Variants in LPP observed in about 807,000 individuals in gnomAD.
The protein encoded by LPP is lipoma-preferred partner.
LPP carries 38 observed loss-of-function variants against 60.4 expected under a neutral mutation model. The ratio of observed to expected loss-of-function variants is 0.63; its 90% CI spans 0.49 to 0.83. LPP has a LOEUF of 0.83. Ranked by LOEUF, LPP falls within the 40% of genes least tolerant of loss-of-function variation. The probability of loss-of-function intolerance (pLI) is 0.00; values close to 1 mark genes in which losing one functional copy is unlikely to be tolerated. For missense variants in LPP, 902 were observed against 783.6 expected (o/e 1.15, Z -1.80); for synonymous variants, 328 against 290.8 (o/e 1.13, Z -1.30).
At chr3:188,655,756 G>C (rs1853051148) in intron 7 of LPP, among the ~76,000 whole-genome samples, 1 of 152,030 alleles carries the variant, frequency 6.6e-6, no homozygotes, top group Non-Finnish European at 1.5e-5. Flanking sequence ...AGAGAGAATT[G>C]GTCTATACAC....
In LPP at chr3:188,555,342, ACATTAT is replaced by A. The variant is rs559249609; in HGVS notation, c.429+30558_429+30563del. ...AGTGAGATGGAGAGCATTTGGAGTC[ACATTAT>A]CAGGCTTATGTTAAGGATCACTCAG... On this transcript the variant is annotated intron_variant, in intron 6 of 11. Transcript: ENST00000617246. Among the ~76,000 whole-genome samples, 428 of 152,272 alleles carry A rather than the reference ACATTAT, an allele frequency of 2.8e-3. 2 individuals are homozygous for A. Among genetic ancestry groups the A allele is most frequent in the African/African-American group, 1.0e-2 (415 of 41,556 alleles).
intron 9 of LPP, among the ~76,000 whole-genome samples, chr3:188,807,726 T>A (rs1343388278): frequency 6.6e-6 from 1 of 152,180 alleles, no homozygotes; most frequent in Non-Finnish European, 1.5e-5. Flanking sequence ...AATATTCTCA[T>A]ATGACAGTCT....
chr3:188,251,105 TTCTC>T (rs1257945049), intron 2 of LPP, among the ~76,000 whole-genome samples: 5 of 139,750 alleles, frequency 3.6e-5, no homozygotes, highest in East Asian at 2.1e-4. Flanking sequence ...CTCTCTCTCT[TTCTC>T]TCTATTTTCC....
Position 188,884,679 on chromosome 3 carries a change from C to T in LPP, c.*10200C>T. Reference sequence around the variant, plus strand: ...GACCATATCATTTAGAATTCATTGGCATGTAGAGGTGACTCGATTCCTAAA... The same window carrying T: ...GACCATATCATTTAGAATTCATTGGTATGTAGAGGTGACTCGATTCCTAAA... On this transcript the variant is annotated 3_prime_UTR_variant, in exon 12 of 12. Transcript: ENST00000617246. The T allele has an allele frequency of 4.4e-6, 1 of 228,312 alleles. No homozygotes were observed. The highest frequency in any genetic ancestry group is 8.7e-6 in the Non-Finnish European group (1 of 114,906). The allele number at this position is 228,312 out of a possible 1,614,324, so 14.1% of individuals were successfully genotyped here.
intron 1 of LPP, among the ~76,000 whole-genome samples, chr3:188,205,894 A>T (rs1035719650): frequency 2.6e-5 from 4 of 152,190 alleles, no homozygotes; most frequent in African/African-American, 9.6e-5. Flanking sequence ...AGCCAACCTG[A>T]GTCGCTCTGC....
chr3:188,306,305 G>A (rs1577988291), intron 2 of LPP, among the ~76,000 whole-genome samples: 1 of 151,468 alleles, frequency 6.6e-6, no homozygotes, highest in Non-Finnish European at 1.5e-5. Context: ...GTCAGGCTGG[G>A]CTTGAACTCC....
chr3:188,543,410 G>C (rs1204999334), intron 6 of LPP, among the ~76,000 whole-genome samples: 1 of 152,108 alleles, frequency 6.6e-6, no homozygotes, highest in Non-Finnish European at 1.5e-5. Flanking sequence ...TAGCTTAGCT[G>C]GACCACCAAC....
intron 4 of LPP, among the ~76,000 whole-genome samples, chr3:188,441,813 AC>A (rs1794033438): frequency 6.7e-6 from 1 of 150,356 alleles, no homozygotes; most frequent in African/African-American, 2.4e-5. Context: ...TTTAGTAGAG[AC>A]GGGGTTTCAC....
intron 6 of LPP, among the ~76,000 whole-genome samples, chr3:188,580,239 A>AATT (rs961749068): frequency 2.0e-5 from 3 of 151,438 alleles, no homozygotes; most frequent in Admixed American, 6.6e-5. Context: ...ATTGTTTCTC[A>AATT]ATTAAAAAAA....
In LPP at chr3:188,882,237, G is replaced by T. The variant is rs1169316879; in HGVS notation, c.*7758G>T. 2 of 219,394 alleles carry T rather than the reference G, an allele frequency of 9.1e-6. No homozygotes were observed. The highest frequency in any genetic ancestry group is 1.8e-5 in the Non-Finnish European group (2 of 109,578). 13.6% of individuals were successfully genotyped at this position (219,394 alleles called of 1,614,324 possible). A position where few individuals can be genotyped will look rare whatever the true frequency, so the allele number is the denominator to read the frequency against. ...ATAAGAAATCTTGAGCTGATTCTTT[G>T]ACTTGATTTAGAAGTTGAGAAAAGA... is the stretch of plus-strand genomic sequence containing the variant. On this transcript the variant is annotated 3_prime_UTR_variant, in exon 12 of 12. Transcript: ENST00000617246.
At chr3:188,866,141 T>C in intron 9 of LPP, 59 bp from the exon 10 acceptor site, 1 of 1,321,516 alleles carries the variant, frequency 7.6e-7, no homozygotes, top group Non-Finnish European at 1.0e-6. Context: ...AAGATGCCTG[T>C]CATGCAGTAT....
At chr3:188,858,591 C>A (rs1188522733) in intron 9 of LPP, among the ~76,000 whole-genome samples, 1 of 152,144 alleles carries the variant, frequency 6.6e-6, no homozygotes, top group East Asian at 1.9e-4. Flanking sequence ...TGATTTTTAG[C>A]TCATGGCAAA....
chr3:188,188,656 G>A (rs1214916624), intron 1 of LPP, among the ~76,000 whole-genome samples: 3 of 152,078 alleles, frequency 2.0e-5, no homozygotes, highest in African/African-American at 7.2e-5. Context: ...TCTACACGTG[G>A]TATATAAGGA....
intron 2 of LPP, among the ~76,000 whole-genome samples, chr3:188,315,029 A>G (rs2150316664): frequency 6.6e-6 from 1 of 151,852 alleles, no homozygotes; most frequent in South Asian, 2.1e-4. Context: ...ACCTTCACTT[A>G]TTGCCTTTTT....
At position 188,168,190 on chromosome 3, in the gene LPP, A is replaced by G. The variant is rs79621274; in HGVS notation, c.-190+13938A>G. On this transcript the variant is annotated intron_variant, in intron 1 of 11. Coordinates refer to ENST00000617246, the MANE Select transcript of LPP (RefSeq NM_001375462.1). ...GTGCTGCACATACTATGAAGAAAAA[A>G]ATAAATGAATGAAAACAGTGACTTC... Among the ~76,000 whole-genome samples, 334 of 152,400 alleles carry G rather than the reference A, an allele frequency of 2.2e-3. 1 individual carries two copies. The highest frequency in any genetic ancestry group is 6.5e-3 in the African/African-American group (272 of 41,606).
At chr3:188,403,929 C>T (rs980970276) in intron 3 of LPP, among the ~76,000 whole-genome samples, 10 of 151,638 alleles carry the variant, frequency 6.6e-5, no homozygotes, top group African/African-American at 1.2e-4. Flanking sequence ...GTAAAAGGTA[C>T]GGGGGAAAGA....
chr3:188,226,301 G>A (rs944631329), intron 2 of LPP, among the ~76,000 whole-genome samples: 41 of 152,114 alleles, frequency 2.7e-4, no homozygotes, highest in African/African-American at 9.9e-4. Flanking sequence ...GAGCCACTGC[G>A]CCCAGCCTCA....
At position 188,881,139 on chromosome 3, in the gene LPP, C is replaced by CAGAAAAAAAAAAAAAAAAAAAAAAAA. The variant is rs1769951113; in HGVS notation, c.*6661_*6662insGAAAAAAAAAAAAAAAAAAAAAAAAA. The CAGAAAAAAAAAAAAAAAAAAAAAAAA allele has an allele frequency of 1.4e-5, 1 of 72,388 alleles. No homozygotes were observed. The highest frequency in any genetic ancestry group is 3.1e-5 in the Non-Finnish European group (1 of 32,568). 4.5% of individuals were successfully genotyped at this position (72,388 alleles called of 1,614,324 possible). ...TGGGCGAAAGAGCGAGACTCCGTCT[C>CAGAAAAAAAAAAAAAAAAAAAAAAAA]AAAAAAAAAAAAAAAAAAATAGGAT... On this transcript the variant is annotated 3_prime_UTR_variant, in exon 12 of 12. Transcript: ENST00000617246.
At chr3:188,835,178 G>T (rs1214430321) in intron 9 of LPP, among the ~76,000 whole-genome samples, 1 of 151,898 alleles carries the variant, frequency 6.6e-6, no homozygotes, top group East Asian at 1.9e-4. Flanking sequence ...ATAAGCTATG[G>T]CCAGGCGCGG....
Sources: allele counts gnomAD v4.1 joint callset (sites outside exome capture counted in the v4.1 genomes callset), GRCh38; gene constraint gnomAD v4.1.1; transcripts MANE v1.5; gene names NCBI Gene and HGNC (gene_info 2026-07-23, HGNC 2026-07-21).